The following MITD1 variants were observed in gnomAD, a reference collection of about 807,000 sequenced individuals.
MITD1 encodes MIT domain-containing protein 1.
Under a neutral mutation model 34.9 loss-of-function variants are expected in MITD1, and 24 were observed. The observed-to-expected ratio is 0.69, with a 90% CI of 0.50 to 0.97. The LOEUF is 0.97. Among genes scored for constraint, MITD1 ranks in the 50% least tolerant of loss-of-function variants. The pLI, the probability that MITD1 is intolerant of heterozygous loss-of-function variation, is 0.00. For missense variants in MITD1, 266 were observed against 294.6 expected (o/e 0.90, Z 0.71); for synonymous variants, 102 against 101.4 (o/e 1.01, Z -0.04).
chr2:99,169,508 C>A lies in MITD1; in HGVS notation c.655-38G>T, dbSNP rs200312624. 4 of 1,603,118 alleles carry A rather than the reference C, an allele frequency of 2.5e-6. No homozygotes were observed. In the East Asian group the frequency reaches 8.9e-5, roughly 36 times the overall value. Reference sequence around the variant, plus strand: ...GAAAAGAGTATCATTAAAAATGATACAAAAACAGTGCTACACATTTACTCA... The same window carrying A: ...GAAAAGAGTATCATTAAAAATGATAAAAAAACAGTGCTACACATTTACTCA... On this transcript the variant is annotated intron_variant, in intron 6 of 6. Coordinates refer to ENST00000289359, the MANE Select transcript of MITD1 (RefSeq NM_138798.3).
intron 1 of MITD1, among the ~76,000 whole-genome samples, chr2:99,179,951 G>T (rs1240236645): frequency 6.6e-6 from 1 of 152,132 alleles, no homozygotes; most frequent in African/African-American, 2.4e-5. Flanking sequence ...TTAATTATAA[G>T]AAGCTTAAAC....
downstream of MITD1, among the ~76,000 whole-genome samples, chr2:99,167,132 C>T (rs1398869559): frequency 2.0e-5 from 3 of 151,788 alleles, no homozygotes; most frequent in African/African-American, 7.3e-5. Flanking sequence ...TATTCTATCC[C>T]ACTGATTTAT....
Position 99,169,333 on chromosome 2 carries a change from A to T in MITD1, c.*42T>A. On this transcript the variant is annotated 3_prime_UTR_variant, in exon 7 of 7. Coordinates refer to ENST00000289359, the MANE Select transcript of MITD1 (RefSeq NM_138798.3). ...AGTGATCTTTTAAAAAAAATCCAAT[A>T]TTCACTTAAAGTAGACATAATACAA... The T allele has an allele frequency of 1.0e-6, 1 of 998,316 alleles. No individual in the cohort carries two copies. 61.8% of individuals were successfully genotyped at this position (998,316 alleles called of 1,614,324 possible).
rs1460579096 is a variant in MITD1 at position 99,171,362 on chromosome 2, A to G, written c.458T>C (p.Leu153Pro). The change falls in exon 4 of 7, where the codon CTT becomes CCT. Residue 153 changes from leucine (L) to proline (P), a missense_variant. Transcript: ENST00000289359. ...KRPCKVKTIH[L>P]LTSLDEGIEQ... ...ACCTACTTCATCCAGAGAGGTGAGA[A>G]GGTGAATAGTTTTTACTTTACATGG... is the stretch of plus-strand genomic sequence containing the variant. 1.2e-6 allele frequency: 2 copies of G among 1,611,242 alleles called. No individual in the cohort carries two copies.
At position 99,171,371 on chromosome 2, in the gene MITD1, G is replaced by GT; in HGVS notation, c.448dup (p.Thr150AsnfsTer10). The GT allele has an allele frequency of 6.2e-7, 1 of 1,611,698 alleles. No individual in the cohort carries two copies. Among genetic ancestry groups the GT allele is most frequent in the South Asian group, 1.1e-5 (1 of 90,944 alleles). ...ATCCAGAGAGGTGAGAAGGTGAATA[G>GT]TTTTTACTTTACATGGTCTCTTAAT... is the stretch of plus-strand genomic sequence containing the variant. On this transcript the variant is annotated frameshift_variant, in exon 4 of 7. Transcript: ENST00000289359. LOFTEE classifies it high-confidence loss of function.
In MITD1 at chr2:99,173,933, A is replaced by G; in HGVS notation, c.235T>C (p.Leu79=). ...TCTTTACCTTCTTTTTCTTGGTCCA[A>G]GTACTTCTTTATGTTTTCCGCTCTG... ...MDRAENIKKY[L]DQEKEDGKYH... The change falls in exon 2 of 7, where the codon TTG becomes CTG. Residue 79 remains leucine (L), a synonymous_variant. Transcript: ENST00000289359. 1 of 1,606,632 alleles carries G rather than the reference A, an allele frequency of 6.2e-7. No homozygotes were observed. Among genetic ancestry groups the G allele is most frequent in the African/African-American group, 1.3e-5 (1 of 74,844 alleles).
downstream of MITD1, chr2:99,169,170 G>A (rs2093841114): frequency 2.7e-6 from 1 of 366,716 alleles, no homozygotes; most frequent in Non-Finnish European, 4.9e-6. Flanking sequence ...TAAATTAGCT[G>A]TATTACTTGA....
chr2:99,161,871 A>C (rs994028216), downstream of MITD1: 1 of 1,244,462 alleles, frequency 8.0e-7, no homozygotes, highest in African/African-American at 1.5e-5. Flanking sequence ...AGTTTGGATT[A>C]AATAACCGAT....
chr2:99,176,060 C>T (rs1244386529), intron 1 of MITD1, among the ~76,000 whole-genome samples: 1 of 152,124 alleles, frequency 6.6e-6, no homozygotes, highest in African/African-American at 2.4e-5. Context: ...CCCACCTCAG[C>T]CTCCCAAGTA....
At chr2:99,171,271 TCTC>T in intron 4 of MITD1, 69 bp downstream of exon 4, 1 of 1,127,706 alleles carries the variant, frequency 8.9e-7, no homozygotes, top group Non-Finnish European at 1.3e-6. Context: ...GCATCTGTGT[TCTC>T]CTTGACTGGA....
chr2:99,178,788 C>A (rs1250441958), intron 1 of MITD1, among the ~76,000 whole-genome samples: 5 of 152,210 alleles, frequency 3.3e-5, no homozygotes, highest in African/African-American at 9.6e-5. Context: ...TAAATGGTTT[C>A]TCCTTGCCTG....
chr2:99,170,973 T>C (rs754880141), intron 4 of MITD1: 7 of 261,430 alleles, frequency 2.7e-5, no homozygotes, highest in Non-Finnish European at 5.2e-5. Flanking sequence ...AGCATTCTTA[T>C]TTTAAGTCAA....
chr2:99,169,731 G>C (rs1303137573), intron 5 of MITD1, 121 bp from the exon 6 acceptor site: 7 of 681,520 alleles, frequency 1.0e-5, no homozygotes, highest in Admixed American at 5.0e-5. Flanking sequence ...TCCTCCAGTG[G>C]CATGAGTTGA....
chr2:99,166,994 C>T (rs1056252795), downstream of MITD1, among the ~76,000 whole-genome samples: 4 of 150,404 alleles, frequency 2.7e-5, no homozygotes, highest in Non-Finnish European at 4.4e-5. Context: ...AAGACAGAGG[C>T]CTTAATGTTA....
Position 99,173,956 on chromosome 2 carries a change from C to G in MITD1, c.212G>C (p.Arg71Thr), listed in dbSNP as rs756801460. ...CAAGTACTTCTTTATGTTTTCCGCT[C>G]TGTCCATGTATTTGGAAATTTTTTC... ...LREKISKYMD[R>T]AENIKKYLDQ... The change falls in exon 2 of 7, where the codon AGA (arginine) becomes ACA (threonine). Residue 71 changes from arginine to threonine, a missense_variant. Transcript: ENST00000289359. 2 of 1,610,350 alleles carry G rather than the reference C, an allele frequency of 1.2e-6. No individual in the cohort carries two copies. The highest frequency in any genetic ancestry group is 1.1e-5 in the South Asian group (1 of 90,714).
intron 1 of MITD1, among the ~76,000 whole-genome samples, chr2:99,176,691 T>C (rs1250197897): frequency 6.6e-6 from 1 of 152,100 alleles, no homozygotes; most frequent in Admixed American, 6.6e-5. Flanking sequence ...TGTGCGCGTG[T>C]GTGTGTGTTT....
downstream of MITD1, among the ~76,000 whole-genome samples, chr2:99,168,736 A>C (rs889628315): frequency 6.6e-6 from 1 of 152,044 alleles, no homozygotes; most frequent in African/African-American, 2.4e-5. Context: ...ATTGTAACAA[A>C]ATTAACATTT....
At chr2:99,167,776 TC>T (rs2093833294), downstream of MITD1, among the ~76,000 whole-genome samples, 1 of 152,142 alleles carries the variant, frequency 6.6e-6, no homozygotes, top group South Asian at 2.1e-4. Context: ...ACCCTGAATT[TC>T]CATATGATAC....
intron 1 of MITD1, among the ~76,000 whole-genome samples, chr2:99,177,734 C>T (rs1236101115): frequency 6.6e-6 from 1 of 151,908 alleles, no homozygotes; most frequent in Non-Finnish European, 1.5e-5. Context: ...AACTCCTGAC[C>T]TCAAGTGATC....
Sources: gnomAD v4.1 joint callset for allele counts (sites outside exome capture counted in the v4.1 genomes callset) on GRCh38, gnomAD v4.1.1 for gene constraint, MANE v1.5 for transcripts, NCBI Gene and HGNC (gene_info 2026-07-23, HGNC 2026-07-21) for gene names.